Variants in HS3ST5 observed in about 807,000 individuals in gnomAD.
HS3ST5 encodes heparan sulfate glucosamine 3-O-sulfotransferase 5.
HS3ST5 carries 10 observed loss-of-function variants against 25.4 expected under a neutral mutation model. The observed-to-expected ratio is 0.39, with a 90% CI of 0.24 to 0.67. The LOEUF is 0.67. Among genes scored for constraint, HS3ST5 ranks in the 30% least tolerant of loss-of-function variants. The pLI is 0.44. For missense variants in HS3ST5, 324 were observed against 420.7 expected, an observed-to-expected ratio of 0.77 and a Z score of 2.01; for synonymous variants, 170 against 162.4, an observed-to-expected ratio of 1.05 and a Z score of -0.36.
At chr6:114,316,133 T>C (rs545431770) in intron 1 of HS3ST5, among the ~76,000 whole-genome samples, 1 of 152,360 alleles carries the variant, frequency 6.6e-6, no homozygotes, top group East Asian at 1.9e-4. Context: ...TCAACAATTA[T>C]TGAATTTATT....
At chr6:114,135,544 G>A (rs1437357808) in intron 3 of HS3ST5, among the ~76,000 whole-genome samples, 1 of 152,144 alleles carries the variant, frequency 6.6e-6, no homozygotes, top group East Asian at 1.9e-4. Context: ...CAGCTGACCT[G>A]TGTCTTGTTC....
chr6:114,062,570 T>G (rs1562180087), intron 4 of HS3ST5, among the ~76,000 whole-genome samples, 169 bp downstream of exon 4: 1 of 152,130 alleles, frequency 6.6e-6, no homozygotes, highest in Non-Finnish European at 1.5e-5. Context: ...GGAACTTGGA[T>G]CTCTCTCTTT....
chr6:114,272,952 G>A (rs1173195293), intron 1 of HS3ST5, among the ~76,000 whole-genome samples: 1 of 152,074 alleles, frequency 6.6e-6, no homozygotes, highest in African/African-American at 2.4e-5. Context: ...AGGAATGACA[G>A]CAGCCTTGCA....
chr6:114,174,644 G>A (rs949492111), intron 2 of HS3ST5, among the ~76,000 whole-genome samples: 3 of 152,060 alleles, frequency 2.0e-5, no homozygotes, highest in Admixed American at 6.5e-5. Context: ...ATTTCATTTA[G>A]CTGGAACAAG....
At chr6:114,317,718 C>T (rs1775796631) in intron 1 of HS3ST5, among the ~76,000 whole-genome samples, 1 of 138,030 alleles carries the variant, frequency 7.2e-6, no homozygotes, top group Non-Finnish European at 1.5e-5. Flanking sequence ...GGGAGTGACA[C>T]CAACATCAGG....
intron 3 of HS3ST5, among the ~76,000 whole-genome samples, chr6:114,074,148 G>A (rs924301179): frequency 3.9e-5 from 6 of 152,144 alleles, no homozygotes; most frequent in Admixed American, 6.5e-5. Context: ...CTGTTTGGGG[G>A]TAGGAGGCTG....
chr6:114,199,014 A>G (rs1582706655), intron 2 of HS3ST5, among the ~76,000 whole-genome samples: 1 of 152,336 alleles, frequency 6.6e-6, no homozygotes, highest in East Asian at 1.9e-4. Flanking sequence ...TGATTTTCAA[A>G]TAGATACCAA....
At chr6:114,244,828 T>C (rs1772307644) in intron 1 of HS3ST5, among the ~76,000 whole-genome samples, 1 of 152,194 alleles carries the variant, frequency 6.6e-6, no homozygotes, top group Non-Finnish European at 1.5e-5. Context: ...TGACCACTTA[T>C]GAGGGCTTTT....
intron 2 of HS3ST5, among the ~76,000 whole-genome samples, chr6:114,226,340 T>G: frequency 6.6e-6 from 1 of 152,116 alleles, no homozygotes; most frequent in South Asian, 2.1e-4. Flanking sequence ...TAAAAATTAT[T>G]TCGATCTAAT....
intron 2 of HS3ST5, among the ~76,000 whole-genome samples, chr6:114,183,803 C>T (rs778783705): frequency 1.3e-5 from 2 of 152,082 alleles, no homozygotes; most frequent in African/African-American, 2.4e-5. Context: ...TTAGAGAATA[C>T]ACAGATAATC....
chr6:114,124,006 G>C (rs927580427), intron 3 of HS3ST5, among the ~76,000 whole-genome samples: 26 of 152,164 alleles, frequency 1.7e-4, no homozygotes, highest in Admixed American at 1.4e-3. Flanking sequence ...CTAAGGCTGA[G>C]GTCAAAGCTG....
intron 1 of HS3ST5, among the ~76,000 whole-genome samples, chr6:114,297,454 G>A (rs1774876002): frequency 6.6e-6 from 1 of 152,198 alleles, no homozygotes; most frequent in African/African-American, 2.4e-5. Context: ...ACAAGATTGG[G>A]AAACTGCAAA....
intron 3 of HS3ST5, among the ~76,000 whole-genome samples, chr6:114,096,053 C>G (rs528393872): frequency 6.6e-6 from 1 of 152,222 alleles, no homozygotes; most frequent in East Asian, 1.9e-4. Flanking sequence ...TTCACCTTAC[C>G]TTTTAAGATT....
At chr6:114,135,999 G>T (rs1777583284) in intron 3 of HS3ST5, among the ~76,000 whole-genome samples, 1 of 152,210 alleles carries the variant, frequency 6.6e-6, no homozygotes, top group Non-Finnish European at 1.5e-5. Flanking sequence ...CTTGTGTTCT[G>T]CTTTATGTCT....
chr6:114,291,777 C>A (rs946293142), intron 1 of HS3ST5, among the ~76,000 whole-genome samples: 1 of 152,180 alleles, frequency 6.6e-6, no homozygotes, highest in African/African-American at 2.4e-5. Flanking sequence ...GCAAAAAGAG[C>A]TTCTAGATCA....
intron 3 of HS3ST5, among the ~76,000 whole-genome samples, chr6:114,104,507 ATCCTATACTTACC>A (rs1402536257): frequency 6.6e-6 from 1 of 152,206 alleles, no homozygotes; most frequent in African/African-American, 2.4e-5. Flanking sequence ...ATCCTGTGGA[ATCCTATACTTACC>A]TTCATTTCAG....
rs185087992 is a variant in HS3ST5, at chr6:114,287,082, C to A, written c.-339+55113G>T. Among the ~76,000 whole-genome samples, 396 of 151,692 alleles carry A rather than the reference C, an allele frequency of 2.6e-3. 3 individuals are homozygous for A. Among genetic ancestry groups the A allele is most frequent in the African/African-American group, 8.6e-3 (358 of 41,388 alleles). On this transcript the variant is annotated intron_variant, in intron 1 of 4. Transcript: ENST00000312719. ...TTTTCTTCTTATTTGAATAACATAA[C>A]CTTTATTCAAGTGCATTTTAGACAA...
At chr6:114,173,598 C>T (rs1253348442) in intron 2 of HS3ST5, among the ~76,000 whole-genome samples, 8 of 152,146 alleles carry the variant, frequency 5.3e-5, no homozygotes, top group Non-Finnish European at 1.2e-4. Context: ...GTGGCTCATG[C>T]CTGTAATCCC....
At chr6:114,063,608 C>T (rs1309200868) in intron 3 of HS3ST5, among the ~76,000 whole-genome samples, 1 of 151,554 alleles carries the variant, frequency 6.6e-6, no homozygotes, top group African/African-American at 2.4e-5. Flanking sequence ...AATTTGAAAT[C>T]CCAGTTCATA....
Sources: allele counts gnomAD v4.1 joint callset (sites outside exome capture counted in the v4.1 genomes callset), GRCh38; gene constraint gnomAD v4.1.1; transcripts MANE v1.5; gene names NCBI Gene and HGNC (gene_info 2026-07-23, HGNC 2026-07-21).